COL27A1: variants seen among roughly 807,000 people sequenced by gnomAD.
The protein encoded by COL27A1 is collagen alpha-1(XXVII) chain.
In COL27A1, 106 loss-of-function variants were observed where a neutral mutation model predicts 251.3. The observed-to-expected ratio is 0.42, with a 90% CI of 0.36 to 0.50. COL27A1 has a LOEUF of 0.50. Ranked by LOEUF, COL27A1 falls within the 20% of genes least tolerant of loss-of-function variation. COL27A1 has a pLI of 0.00. For synonymous variants in COL27A1, 1,000 were observed against 986.3 expected, an observed-to-expected ratio of 1.01 and a Z score of -0.26; for missense variants, 2,325 against 2,522.8, an observed-to-expected ratio of 0.92 and a Z score of 1.68.
chr9:114,264,230 G>A, intron 28 of COL27A1, 125 bp from the exon 29 acceptor site: 1 of 657,506 alleles, frequency 1.5e-6, no homozygotes, highest in Non-Finnish European at 2.4e-6. Context: ...TGGGAAGTGG[G>A]AGGAGGAGGG....
chr9:114,168,025 A>G lies in COL27A1; in HGVS notation c.470A>G (p.His157Arg), dbSNP rs1588565994. 1 of 1,604,930 alleles carries G rather than the reference A, an allele frequency of 6.2e-7. No individual in the cohort carries two copies. The highest frequency in any genetic ancestry group is 8.5e-7 in the Non-Finnish European group (1 of 1,179,704). Residue 157 changes from histidine (H) to arginine (R), a missense_variant, in exon 3 of 61, where the codon CAC becomes CGC. This residue lies in a region of COL27A1 where 1,183 missense variants were observed against 1,144.1 expected (regional missense o/e 1.03). Transcript: ENST00000356083. ...FDLDMHDGRWHHLALELRGRT... is the reference protein window; with the variant it reads ...FDLDMHDGRWRHLALELRGRT... ...CTCGACATGCACGACGGGCGCTGGC[A>G]CCACCTGGCCCTCGAGCTCCGAGGC... is the stretch of plus-strand genomic sequence containing the variant.
chr9:114,157,997 G>A (rs746237628), intron 1 of COL27A1, among the ~76,000 whole-genome samples: 1 of 152,180 alleles, frequency 6.6e-6, no homozygotes, highest in African/African-American at 2.4e-5. Flanking sequence ...TGAGTCAATG[G>A]GAAAGTTCTG....
At chr9:114,218,503 A>G (rs1190852641) in intron 12 of COL27A1, 4 of 152,180 alleles carry the variant, frequency 2.6e-5, no homozygotes, top group Non-Finnish European at 4.4e-5. Flanking sequence ...CAATTTTCCC[A>G]TCTGTGAAAT....
intron 19 of COL27A1, among the ~76,000 whole-genome samples, chr9:114,238,450 G>GC (rs1190845899): frequency 1.3e-5 from 2 of 152,164 alleles, no homozygotes; most frequent in African/African-American, 4.8e-5. Context: ...CTCAGTTGGA[G>GC]CCCCCCACCC....
chr9:114,202,710 C>T (rs1829662103), intron 7 of COL27A1, among the ~76,000 whole-genome samples: 1 of 152,128 alleles, frequency 6.6e-6, no homozygotes, highest in African/African-American at 2.4e-5. Flanking sequence ...CACTTGAGGG[C>T]ATTCTTGCCT....
intron 7 of COL27A1, among the ~76,000 whole-genome samples, chr9:114,199,564 C>T (rs1453208495): frequency 1.3e-5 from 2 of 152,168 alleles, no homozygotes; most frequent in African/African-American, 4.8e-5. Flanking sequence ...CCTCCACACT[C>T]ATCCTCATGT....
Position 114,170,695 on chromosome 9 carries a change from A to G in COL27A1, c.1908+1232A>G, listed in dbSNP as rs532848129. Among the ~76,000 whole-genome samples, 43 of 152,338 alleles carry G rather than the reference A, an allele frequency of 2.8e-4. 1 individual carries two copies. The highest frequency in any genetic ancestry group is 8.9e-4 in the African/African-American group (37 of 41,566). ...TGGAAACTGTATGCATTGCTTTGCAATTATGTCAACGTTCTGCTCAAGTTC... is the reference window on the plus strand; with the variant it reads ...TGGAAACTGTATGCATTGCTTTGCAGTTATGTCAACGTTCTGCTCAAGTTC... On this transcript the variant is annotated intron_variant, in intron 3 of 60. Transcript: ENST00000356083.
At chr9:114,307,465 C>A (rs2131691387) in intron 58 of COL27A1, 1 of 574,728 alleles carries the variant, frequency 1.7e-6, no homozygotes. Context: ...TGTGACCCCT[C>A]CTCTGGGGGC....
chr9:114,166,300 TATTC>T (rs1848852809), intron 2 of COL27A1, among the ~76,000 whole-genome samples: 2 of 139,758 alleles, frequency 1.4e-5, no homozygotes, highest in East Asian at 2.3e-4. Flanking sequence ...TCTATTCATC[TATTC>T]ATCCATCCAT....
chr9:114,246,058 G>A (rs961325517), intron 24 of COL27A1, 148 bp downstream of exon 24: 24 of 625,424 alleles, frequency 3.8e-5, no homozygotes, highest in Admixed American at 3.4e-5. Flanking sequence ...CCCCTTTCAC[G>A]AATGTGGACG....
intron 60 of COL27A1, among the ~76,000 whole-genome samples, chr9:114,310,152 A>C (rs1829345948): frequency 6.6e-6 from 1 of 152,146 alleles, no homozygotes; most frequent in Non-Finnish European, 1.5e-5. Flanking sequence ...GAGGTAAAAG[A>C]CTACACATTG....
chr9:114,207,093 C>G (rs1588660264), intron 10 of COL27A1, among the ~76,000 whole-genome samples: 1 of 152,218 alleles, frequency 6.6e-6, no homozygotes, highest in East Asian at 1.9e-4. Context: ...GGATGGGGAC[C>G]CAAGTCTTCC....
chr9:114,206,394 G>T (rs897391196), intron 10 of COL27A1, 98 bp downstream of exon 10: 1 of 1,253,410 alleles, frequency 8.0e-7, no homozygotes, highest in African/African-American at 1.5e-5. Context: ...TATAAGGAGA[G>T]CCAAGGCCCT....
intron 14 of COL27A1, among the ~76,000 whole-genome samples, chr9:114,230,664 A>T (rs1831882744): frequency 6.6e-6 from 1 of 152,136 alleles, no homozygotes; most frequent in Non-Finnish European, 1.5e-5. Flanking sequence ...GCCTCCCCTC[A>T]TGTAGCCAGA....
chr9:114,232,263 C>T (rs962863570), intron 16 of COL27A1, among the ~76,000 whole-genome samples: 4 of 152,170 alleles, frequency 2.6e-5, no homozygotes, highest in Admixed American at 2.0e-4. Flanking sequence ...AAATTGGAAA[C>T]CCCAGAGAGC....
In COL27A1 at chr9:114,288,252, G is replaced by C. The variant is rs138700499; in HGVS notation, c.3988-203G>C. Among the ~76,000 whole-genome samples the C allele has an allele frequency of 1.6e-4, 24 of 152,304 alleles. No individual in the cohort carries two copies. In the East Asian group the frequency reaches 4.1e-3, roughly 26 times the overall value. ...CTCAAGGGCGTCTGGAGGGCACAAA[G>C]CACTGTTCTGTGTTCCACAGTCCTG... On this transcript the variant is annotated intron_variant, in intron 41 of 60. Coordinates refer to ENST00000356083, the MANE Select transcript of COL27A1 (RefSeq NM_032888.4).
chr9:114,165,950 T>TATCC (rs369072305), intron 2 of COL27A1, among the ~76,000 whole-genome samples: 1,594 of 142,592 alleles, frequency 0.011, 21 homozygotes, highest in African/African-American at 0.039. Context: ...TCCATCCATC[T>TATCC]ATCCATCCAT....
chr9:114,290,162 C>A lies in COL27A1; in HGVS notation c.4260+51C>A, dbSNP rs369947399. 1.6e-4 allele frequency: 258 copies of A among 1,584,538 alleles called. No individual in the cohort carries two copies. The highest frequency in any genetic ancestry group is 2.0e-4 in the Non-Finnish European group (235 of 1,159,286). On this transcript the variant is annotated intron_variant, in intron 46 of 60. Coordinates refer to ENST00000356083, the MANE Select transcript of COL27A1 (RefSeq NM_032888.4). The surrounding 1 kb of genome is among the most constrained non-coding windows in gnomAD (Gnocchi z 4.6). ...AGCCAACCTCCCTGCCCGCCCCCCA[C>A]ACCCGCCCTCCTCCCACTCCCTGCA... is the stretch of plus-strand genomic sequence containing the variant.
chr9:114,247,587 AG>A (rs1426113401), intron 24 of COL27A1, among the ~76,000 whole-genome samples: 1 of 152,186 alleles, frequency 6.6e-6, no homozygotes. Context: ...TAGGCCCAGG[AG>A]GGGTGGGAAC....
Sources: allele counts gnomAD v4.1 joint callset (sites outside exome capture counted in the v4.1 genomes callset), GRCh38; gene constraint gnomAD v4.1.1; regional missense constraint gnomAD v4.1.1; non-coding constraint Gnocchi (gnomAD v3.1); transcripts MANE v1.5; gene names NCBI Gene and HGNC (gene_info 2026-07-23, HGNC 2026-07-21).